SNTB1: variants seen among roughly 807,000 people sequenced by gnomAD.
SNTB1 encodes beta-1-syntrophin.
In SNTB1, 36 loss-of-function variants were observed where a neutral mutation model predicts 48.9. The observed-to-expected ratio is 0.74, with a 90% CI of 0.56 to 0.97. The LOEUF is 0.97. SNTB1 is among the 50% of genes least tolerant of loss of function. SNTB1 has a pLI of 0.00. For synonymous variants in SNTB1, 299 were observed against 294.6 expected (o/e 1.01, Z -0.15); for missense variants, 786 against 703.4 (o/e 1.12, Z -1.33).
chr8:120,720,470 G>A (rs1363940319), intron 1 of SNTB1, among the ~76,000 whole-genome samples: 2 of 152,106 alleles, frequency 1.3e-5, no homozygotes, highest in African/African-American at 2.4e-5. Flanking sequence ...TTCATCTGCC[G>A]CAAATGAATC....
At chr8:120,561,332 AAAAAAAAAGAAAAAAAG>A (rs986460223) in intron 4 of SNTB1, among the ~76,000 whole-genome samples, 1 of 141,044 alleles carries the variant, frequency 7.1e-6, no homozygotes, top group Non-Finnish European at 1.6e-5. Flanking sequence ...AAAAAAAAAA[AAAAAAAAAGAAAAAAAG>A]AAAAAAAAGA....
At chr8:120,786,085 T>C (rs1047300546) in intron 1 of SNTB1, among the ~76,000 whole-genome samples, 3 of 152,228 alleles carry the variant, frequency 2.0e-5, no homozygotes, top group African/African-American at 7.2e-5. Flanking sequence ...ACGCAGTACC[T>C]GCTGCTGGGA....
At chr8:120,561,381 A>ATGCAGAC (rs1815657861) in intron 4 of SNTB1, among the ~76,000 whole-genome samples, 1 of 151,312 alleles carries the variant, frequency 6.6e-6, no homozygotes, top group Non-Finnish European at 1.5e-5. Flanking sequence ...AAAGATTACA[A>ATGCAGAC]TGCAGACTTC....
intron 3 of SNTB1, among the ~76,000 whole-genome samples, chr8:120,596,325 T>G (rs752940056): frequency 1.1e-4 from 17 of 152,248 alleles, no homozygotes; most frequent in Non-Finnish European, 2.1e-4. Flanking sequence ...ATTTATTAAT[T>G]TTGAGTATAT....
intron 2 of SNTB1, among the ~76,000 whole-genome samples, chr8:120,688,851 G>A (rs1432586109): frequency 6.6e-6 from 1 of 152,162 alleles, no homozygotes; most frequent in Non-Finnish European, 1.5e-5. Flanking sequence ...GACAGAAGGA[G>A]TAAATTTCAG....
At chr8:120,710,847 T>G (rs1228007748) in intron 1 of SNTB1, among the ~76,000 whole-genome samples, 1 of 152,204 alleles carries the variant, frequency 6.6e-6, no homozygotes, top group Non-Finnish European at 1.5e-5. Context: ...GCTCTGGTAT[T>G]CTGTTACAGC....
At chr8:120,582,943 T>A (rs6981454) in intron 3 of SNTB1, among the ~76,000 whole-genome samples, 34,381 of 151,734 alleles carry the variant, frequency 0.23, 4,095 homozygotes, top group African/African-American at 0.3. Flanking sequence ...TTAAAAAAAA[T>A]GAAACAGGGG....
At chr8:120,643,686 T>A (rs932244450) in intron 2 of SNTB1, among the ~76,000 whole-genome samples, 1 of 152,232 alleles carries the variant, frequency 6.6e-6, no homozygotes, top group African/African-American at 2.4e-5. Context: ...TTAGGTTGTT[T>A]CCACATTTTT....
intron 2 of SNTB1, among the ~76,000 whole-genome samples, chr8:120,655,996 A>G (rs1486157487): frequency 6.6e-6 from 1 of 152,200 alleles, no homozygotes; most frequent in Non-Finnish European, 1.5e-5. Flanking sequence ...AGGTGACAAC[A>G]GGGGTATTTT....
At chr8:120,795,160 T>C (rs1037922468) in intron 1 of SNTB1, among the ~76,000 whole-genome samples, 3 of 152,064 alleles carry the variant, frequency 2.0e-5, no homozygotes, top group African/African-American at 7.2e-5. Flanking sequence ...TATTCAGCAA[T>C]GATACGTGTA....
intron 1 of SNTB1, among the ~76,000 whole-genome samples, chr8:120,715,084 TTA>T (rs1246419913): frequency 1.3e-5 from 2 of 152,218 alleles, no homozygotes; most frequent in African/African-American, 4.8e-5. Flanking sequence ...ACTGTAGAAG[TTA>T]TAGCCAACCT....
intron 3 of SNTB1, among the ~76,000 whole-genome samples, chr8:120,579,680 A>C (rs1201361499): frequency 1.3e-5 from 2 of 149,004 alleles, no homozygotes; most frequent in African/African-American, 5.0e-5. Flanking sequence ...CTCTGTGTCA[A>C]AAAAGAAAAG....
chr8:120,551,985 TA>T (rs1411103668), intron 4 of SNTB1, among the ~76,000 whole-genome samples: 13 of 152,296 alleles, frequency 8.5e-5, no homozygotes, highest in Non-Finnish European at 1.9e-4. Context: ...TTCCCTGGCC[TA>T]ACATGCTCTC....
At chr8:120,699,262 G>A (rs535960652) in intron 1 of SNTB1, among the ~76,000 whole-genome samples, 1 of 152,322 alleles carries the variant, frequency 6.6e-6, no homozygotes, top group African/African-American at 2.4e-5. Context: ...CTTACAACCT[G>A]ATATGGTTTG....
In SNTB1 at chr8:120,626,788, A is replaced by C. The variant is rs187151503; in HGVS notation, c.996+5656T>G. On this transcript the variant is annotated intron_variant, in intron 3 of 6. Coordinates refer to ENST00000517992, the MANE Select transcript of SNTB1 (RefSeq NM_021021.4). Reference sequence around the variant, plus strand: ...CTGGGGCATCTTCATCCTTCATCACAGCTACAGTCTTCACTTACAGGTTAT... The same window carrying C: ...CTGGGGCATCTTCATCCTTCATCACCGCTACAGTCTTCACTTACAGGTTAT... 1.2e-4 allele frequency among the ~76,000 whole-genome samples: 18 copies of C among 152,326 alleles called. No homozygotes were observed. In the East Asian group the frequency reaches 3.1e-3, roughly 26 times the overall value.
rs140675578 is a variant in SNTB1 at position 120,728,809 on chromosome 8, A to G, written c.572-34901T>C. On this transcript the variant is annotated intron_variant, in intron 1 of 6. Transcript: ENST00000517992. ...AATGCTGCAATGAACATATGAGTGC[A>G]TGTGTCTTTTTGGTAGAACATTTTG... 1.5e-3 allele frequency among the ~76,000 whole-genome samples: 224 copies of G among 152,302 alleles called. 1 individual carries two copies. Among genetic ancestry groups the G allele is most frequent in the African/African-American group, 5.2e-3 (215 of 41,560 alleles).
At chr8:120,568,636 CCCAGCTCTG>C (rs1278097221) in intron 4 of SNTB1, among the ~76,000 whole-genome samples, 3 of 152,326 alleles carry the variant, frequency 2.0e-5, no homozygotes, top group Admixed American at 2.0e-4. Context: ...AATGCAAACT[CCCAGCTCTG>C]CCATTTCCAG....
At position 120,688,385 on chromosome 8, in the gene SNTB1, T is replaced by G. The variant is rs114832525; in HGVS notation, c.788+5307A>C. 8.9e-4 allele frequency among the ~76,000 whole-genome samples: 136 copies of G among 152,292 alleles called. 1 individual carries two copies. Among genetic ancestry groups the G allele is most frequent in the African/African-American group, 3.2e-3 (131 of 41,562 alleles). ...TAGTGGAATATTTTTTCAAAAGACA[T>G]TTTTAGAGAAGAATATGAAAAGCGA... On this transcript the variant is annotated intron_variant, in intron 2 of 6. Coordinates refer to ENST00000517992, the MANE Select transcript of SNTB1 (RefSeq NM_021021.4).
chr8:120,637,270 A>G, intron 2 of SNTB1: 1 of 340,682 alleles, frequency 2.9e-6, no homozygotes, highest in Non-Finnish European at 5.8e-6. Flanking sequence ...TGCTGACCAA[A>G]AGCCCAGAGA....
Sources: allele counts gnomAD v4.1 joint callset (sites outside exome capture counted in the v4.1 genomes callset), GRCh38; gene constraint gnomAD v4.1.1; transcripts MANE v1.5; gene names NCBI Gene and HGNC (gene_info 2026-07-23, HGNC 2026-07-21).